The following TWIST2 variants were observed in gnomAD, a reference collection of about 807,000 sequenced individuals.
TWIST2 encodes twist family bHLH transcription factor 2, also known as twist-related protein 2.
TWIST2 carries 1 observed loss-of-function variant against 11.6 expected under a neutral mutation model. The ratio of observed to expected loss-of-function variants is 0.09; its 90% confidence interval spans 0.03 to 0.41. TWIST2 has a LOEUF of 0.41. Ranked by LOEUF, TWIST2 falls within the 10% of genes least tolerant of loss-of-function variation. TWIST2 has a pLI of 0.98. For missense variants in TWIST2, 168 were observed against 226.4 expected (o/e 0.74, Z 1.66); for synonymous variants, 87 against 96.6 (o/e 0.90, Z 0.58).
chr2:238,908,581 TGAC>T (rs1401510065), intron 1 of TWIST2, among the ~76,000 whole-genome samples: 1 of 152,200 alleles, frequency 6.6e-6, no homozygotes, highest in Non-Finnish European at 1.5e-5. Flanking sequence ...GGGTGTGACG[TGAC>T]GACACCACTG....
intron 1 of TWIST2, among the ~76,000 whole-genome samples, chr2:238,890,083 G>A (rs1010290379): frequency 2.0e-5 from 3 of 152,222 alleles, no homozygotes; most frequent in Non-Finnish European, 2.9e-5. Context: ...TGGAGGATAC[G>A]TTCTTAAAGA....
chr2:238,884,515 T>A (rs562886211), intron 1 of TWIST2, among the ~76,000 whole-genome samples: 2 of 152,338 alleles, frequency 1.3e-5, no homozygotes, highest in South Asian at 4.1e-4. Context: ...CAGAACAAGA[T>A]TCTAGGCATG....
intron 1 of TWIST2, among the ~76,000 whole-genome samples, chr2:238,900,500 G>C (rs1018252263): frequency 1.3e-5 from 2 of 152,138 alleles, no homozygotes; most frequent in Admixed American, 1.3e-4. Context: ...ATTTGTTGTC[G>C]TACTTGCAGA....
At chr2:238,877,261 C>T (rs776773617) in intron 1 of TWIST2, among the ~76,000 whole-genome samples, 2 of 152,034 alleles carry the variant, frequency 1.3e-5, no homozygotes, top group Non-Finnish European at 2.9e-5. Flanking sequence ...GCAGGTTTCT[C>T]GCCAGTATAC....
intron 1 of TWIST2, among the ~76,000 whole-genome samples, chr2:238,885,882 G>A (rs1693025543): frequency 6.6e-6 from 1 of 152,074 alleles, no homozygotes; most frequent in African/African-American, 2.4e-5. Flanking sequence ...CCCAGAGAAG[G>A]CCCAGAGGCT....
rs2106355882 is a variant in TWIST2, at chr2:238,867,301, T to A, written c.*35+18568T>A. On this transcript the variant is annotated intron_variant, in intron 1 of 1. Coordinates refer to ENST00000612363, the MANE Select transcript of TWIST2 (RefSeq NM_001271893.4). The surrounding 1 kb of genome is among the most constrained non-coding windows in gnomAD (Gnocchi z 4.8). ...CACTGTACAGCCTAGCCTGGAGACATCTTGGGGGAAAGTGATTCATCTGAT... is the reference window on the plus strand; with the variant it reads ...CACTGTACAGCCTAGCCTGGAGACAACTTGGGGGAAAGTGATTCATCTGAT... Among the ~76,000 whole-genome samples the A allele has an allele frequency of 6.6e-6, 1 of 150,524 alleles. No homozygotes were observed. Among genetic ancestry groups the A allele is most frequent in the East Asian group, 2.0e-4 (1 of 5,062 alleles).
intron 1 of TWIST2, among the ~76,000 whole-genome samples, chr2:238,891,508 GGT>G (rs1310688467): frequency 6.6e-6 from 1 of 152,202 alleles, no homozygotes; most frequent in Admixed American, 6.5e-5. Flanking sequence ...CGGGCTCCCA[GGT>G]GTCTGTGTTC....
chr2:238,905,904 CGTGTGTGT>C (rs1181396136), intron 1 of TWIST2, among the ~76,000 whole-genome samples: 35 of 144,060 alleles, frequency 2.4e-4, no homozygotes, highest in Admixed American at 4.1e-4. Flanking sequence ...CGCGTGTGTG[CGTGTGTGT>C]GCGTGCAGGT....
At chr2:238,900,499 C>T (rs1376480722) in intron 1 of TWIST2, among the ~76,000 whole-genome samples, 3 of 152,202 alleles carry the variant, frequency 2.0e-5, no homozygotes, top group African/African-American at 4.8e-5. Context: ...CATTTGTTGT[C>T]GTACTTGCAG....
chr2:238,860,880 G>A (rs374251652), intron 1 of TWIST2, among the ~76,000 whole-genome samples: 23 of 152,300 alleles, frequency 1.5e-4, no homozygotes, highest in African/African-American at 5.1e-4. Flanking sequence ...GGAGGTTGCA[G>A]TGAGCCGACA....
chr2:238,906,346 T>G (rs1018643829), intron 1 of TWIST2, among the ~76,000 whole-genome samples: 6 of 150,390 alleles, frequency 4.0e-5, no homozygotes, highest in African/African-American at 1.5e-4. Context: ...ACACACACAC[T>G]GACACACGGA....
intron 1 of TWIST2, among the ~76,000 whole-genome samples, chr2:238,855,364 C>G (rs1692312387): frequency 6.6e-6 from 1 of 152,210 alleles, no homozygotes; most frequent in South Asian, 2.1e-4. Context: ...AATGGGCGAA[C>G]AGTGTCTTCA....
rs111214450 is a variant in TWIST2 at position 238,879,954 on chromosome 2, G to A, written c.*36-29888G>A. 4.4e-3 allele frequency among the ~76,000 whole-genome samples: 666 copies of A among 152,364 alleles called. 5 individuals are homozygous for A. Among genetic ancestry groups the A allele is most frequent in the South Asian group, 0.016 (75 of 4,828 alleles). Reference sequence around the variant, plus strand: ...CTGGGGCATGGTTCAAAACCCAGGAGGAATGAATTCCCTATGGAGAGTGCT... The same window carrying A: ...CTGGGGCATGGTTCAAAACCCAGGAAGAATGAATTCCCTATGGAGAGTGCT... On this transcript the variant is annotated intron_variant, in intron 1 of 1. Coordinates refer to ENST00000612363, the MANE Select transcript of TWIST2 (RefSeq NM_001271893.4).
intron 1 of TWIST2, among the ~76,000 whole-genome samples, chr2:238,870,859 TA>T (rs1692675318): frequency 4.8e-5 from 1 of 20,636 alleles, no homozygotes; most frequent in Non-Finnish European, 8.5e-5. Flanking sequence ...ACACACACCT[TA>T]CCCCACACAC....
chr2:238,869,510 TTAGA>T (rs760207938), intron 1 of TWIST2, among the ~76,000 whole-genome samples: 26 of 152,194 alleles, frequency 1.7e-4, no homozygotes, highest in Admixed American at 7.9e-4. Context: ...ACAATAAAAA[TTAGA>T]TAGCCTGCAT....
intron 1 of TWIST2, among the ~76,000 whole-genome samples, chr2:238,885,874 C>T (rs930637375): frequency 1.3e-5 from 2 of 152,070 alleles, no homozygotes; most frequent in East Asian, 3.9e-4. Flanking sequence ...TCTGCACCCC[C>T]AGAGAAGGCC....
chr2:238,898,730 G>C (rs931683182), intron 1 of TWIST2, among the ~76,000 whole-genome samples: 2 of 152,218 alleles, frequency 1.3e-5, no homozygotes, highest in Non-Finnish European at 2.9e-5. Flanking sequence ...TAGTGCCCTC[G>C]TGCTAAGGGC....
intron 1 of TWIST2, among the ~76,000 whole-genome samples, chr2:238,852,178 T>C (rs1012351267): frequency 1.3e-5 from 2 of 152,192 alleles, no homozygotes; most frequent in Non-Finnish European, 2.9e-5. Flanking sequence ...GTAAACTCTT[T>C]CTGAGCAGAG....
At position 238,848,291 on chromosome 2, in the gene TWIST2, C is replaced by G. The variant is rs1171089399; in HGVS notation, c.76C>G (p.Pro26Ala). 8 of 1,532,574 alleles carry G rather than the reference C, an allele frequency of 5.2e-6. No homozygotes were observed. Among genetic ancestry groups the G allele is most frequent in the Non-Finnish European group, 7.0e-6 (8 of 1,144,852 alleles). 94.9% of individuals were successfully genotyped at this position (1,532,574 alleles called of 1,614,324 possible). The change falls in exon 1 of 2, where the codon CCC (proline) becomes GCC (alanine). Residue 26 changes from proline to alanine, a missense_variant. Physicochemically the swap from Pro to Ala is conservative, Grantham distance 27. Transcript: ENST00000612363. ...GTSEEELERQ[P>A]KRFGRKRRYS... is the part of the protein sequence containing the mutation. The stretch of plus-strand genomic sequence containing the variant: ...CAGCGAGGAGGAGCTCGAGAGGCAG[C>G]CCAAGCGCTTCGGCCGGAAGCGGCG...
Sources: allele counts gnomAD v4.1 joint callset (sites outside exome capture counted in the v4.1 genomes callset), GRCh38; gene constraint gnomAD v4.1.1; non-coding constraint Gnocchi (gnomAD v3.1); transcripts MANE v1.5; gene names NCBI Gene and HGNC (gene_info 2026-07-23, HGNC 2026-07-21).